Variants in ACRBP observed in about 807,000 individuals in gnomAD.
ACRBP encodes the protein acrosin binding protein.
A neutral mutation model predicts 69.0 loss-of-function variants in ACRBP; 52 were observed. That is an observed-to-expected ratio of 0.75 (90% confidence interval 0.60 to 0.95). The LOEUF (loss-of-function observed/expected upper bound fraction) is 0.95, where lower values mean the gene tolerates loss of function less well. Ranked by LOEUF, ACRBP falls within the 40% of genes least tolerant of loss-of-function variation. The pLI is 0.00. For synonymous variants in ACRBP, 267 were observed against 258.9 expected, an observed-to-expected ratio of 1.03 and a Z score of -0.30; for missense variants, 604 against 673.0, an observed-to-expected ratio of 0.90 and a Z score of 1.13.
At chr12:6,643,509 T>C (rs1949067372) in intron 6 of ACRBP, 30 bp downstream of exon 6, 1 of 1,612,712 alleles carries the variant, frequency 6.2e-7, no homozygotes, top group Non-Finnish European at 8.5e-7. Flanking sequence ...CCCAGTGGCA[T>C]GTATCCATTA....
intron 9 of ACRBP, 150 bp downstream of exon 9, chr12:6,638,804 G>A: frequency 6.7e-7 from 1 of 1,487,566 alleles, no homozygotes; most frequent in Non-Finnish European, 8.9e-7. Flanking sequence ...ATGGAGGAGA[G>A]CCTGCTGGTG....
In ACRBP at chr12:6,647,393, G is replaced by A. The variant is rs369051372; in HGVS notation, c.-27C>T. 6.1e-5 allele frequency: 92 copies of A among 1,508,562 alleles called. No individual in the cohort carries two copies. Among genetic ancestry groups the A allele is most frequent in the Middle Eastern group, 1.7e-4 (1 of 5,792 alleles). 93.4% of individuals were successfully genotyped at this position (1,508,562 alleles called of 1,614,324 possible). A position where few individuals can be genotyped will look rare whatever the true frequency, so the allele number is the denominator to read the frequency against. The stretch of plus-strand genomic sequence containing the variant: ...GCCGGAGAAGATCCGCCCGCGTCCC[G>A]TGGACACAAGCCGCCTCTAACGGGC... On this transcript the variant is annotated 5_prime_UTR_variant, in exon 1 of 10. The change creates a new upstream start codon in the 5' untranslated region. Transcript: ENST00000229243.
rs760458702 is a variant in ACRBP at position 6,646,836 on chromosome 12, C to T, written c.220G>A (p.Val74Ile). 6.2e-7 allele frequency: 1 copy of T among 1,614,058 alleles called. No homozygotes were observed. Among genetic ancestry groups the T allele is most frequent in the Admixed American group, 1.7e-5 (1 of 60,018 alleles). The change falls in exon 2 of 10, where the codon GTC becomes ATC. Residue 74 changes from valine (V) to isoleucine (I), a missense_variant. By Grantham distance (29) the Val-to-Ile change is conservative (BLOSUM62 3). Coordinates refer to ENST00000229243, the MANE Select transcript of ACRBP (RefSeq NM_032489.3). ...ATHGCRNPTL[V>I]QLDQYENHGL... Reference sequence around the variant, plus strand: ...TGGTTTTCATATTGGTCCAGCTGGACGAGTGTGGGATTCCGGCAGCCGTGG... The same window carrying T: ...TGGTTTTCATATTGGTCCAGCTGGATGAGTGTGGGATTCCGGCAGCCGTGG...
chr12:6,639,737 T>C (rs1220406700), intron 8 of ACRBP, among the ~76,000 whole-genome samples: 1 of 152,186 alleles, frequency 6.6e-6, no homozygotes, highest in Non-Finnish European at 1.5e-5. Context: ...CACTCAGTCA[T>C]TTCTTGTAGA....
rs1182337737 is a variant in ACRBP, at chr12:6,640,442, G to C, written c.1158C>G (p.His386Gln). Residue 386 changes from histidine (H) to glutamine (Q), a missense_variant, in exon 7 of 10, where the codon CAC becomes CAG. Around this residue, in one of 3 missense-constraint regions of ACRBP, gnomAD observed 532 missense variants for 562.9 expected, o/e 0.95. Transcript: ENST00000229243. The surrounding 1 kb of genome is among the most constrained non-coding windows in gnomAD (Gnocchi z 5.3). Reference sequence around the variant, plus strand: ...GTTGCCGCTGCAGGCTGGCCTCTGAGTGGCACTGCTCCAGCTTCAAGGAGC... The same window carrying C: ...GTTGCCGCTGCAGGCTGGCCTCTGACTGGCACTGCTCCAGCTTCAAGGAGC... ...DFCSLKLEQCHSEASLQRQQC... is the reference protein window; with the variant it reads ...DFCSLKLEQCQSEASLQRQQC... The C allele has an allele frequency of 1.2e-6, 2 of 1,614,180 alleles. No homozygotes were observed. The highest frequency in any genetic ancestry group is 8.5e-7 in the Non-Finnish European group (1 of 1,180,026).
At chr12:6,645,406 A>C (rs1466038744) in intron 3 of ACRBP, 69 bp from the exon 4 acceptor site, 19 of 1,221,948 alleles carry the variant, frequency 1.6e-5, no homozygotes, top group Non-Finnish European at 2.3e-5. Context: ...CTGGTTCTTC[A>C]ACCCCTTTTC....
At chr12:6,646,451 G>A (rs971120038) in intron 3 of ACRBP, 32 bp downstream of exon 3, 1 of 1,599,804 alleles carries the variant, frequency 6.3e-7, no homozygotes, top group Non-Finnish European at 8.6e-7. Context: ...TGGCCCTGGG[G>A]CACCAAATCC....
At chr12:6,641,560 T>C (rs564156795) in intron 6 of ACRBP, among the ~76,000 whole-genome samples, 2 of 152,308 alleles carry the variant, frequency 1.3e-5, no homozygotes, top group East Asian at 3.9e-4. Context: ...TACTGTCCTC[T>C]TATCTAAGCC....
chr12:6,646,664 T>A (rs1949091964), intron 2 of ACRBP, 87 bp from the exon 3 acceptor site: 1 of 1,505,212 alleles, frequency 6.6e-7, no homozygotes, highest in Non-Finnish European at 9.2e-7. Flanking sequence ...ATGGGGAGGG[T>A]GGAGAGTACG....
chr12:6,638,576 A>G, intron 9 of ACRBP, 172 bp from the exon 10 acceptor site: 1 of 1,219,050 alleles, frequency 8.2e-7, no homozygotes, highest in Non-Finnish European at 1.1e-6. Context: ...AGGAGACATC[A>G]AGCAGCCCAA....
In ACRBP at chr12:6,647,407, C is replaced by G; in HGVS notation, c.-41G>C. ...GCCCGCGTCCCGTGGACACAAGCCG[C>G]CTCTAACGGGCCAAGCCGCAGAGAG... On this transcript the variant is annotated 5_prime_UTR_variant, in exon 1 of 10. Coordinates refer to ENST00000229243, the MANE Select transcript of ACRBP (RefSeq NM_032489.3). The G allele has an allele frequency of 6.7e-7, 1 of 1,497,254 alleles. No individual in the cohort carries two copies. The highest frequency in any genetic ancestry group is 8.9e-7 in the Non-Finnish European group (1 of 1,120,550). The allele number at this position is 1,497,254 out of a possible 1,614,324, so 92.7% of individuals were successfully genotyped here.
In ACRBP at chr12:6,640,520, G is replaced by C. The variant is rs1252409544; in HGVS notation, c.1080C>G (p.Val360=). 5.6e-6 allele frequency: 9 copies of C among 1,613,046 alleles called. No homozygotes were observed. Among genetic ancestry groups the C allele is most frequent in the Admixed American group, 1.7e-5 (1 of 59,960 alleles). ...EEEILGFGKS[V]CDSLGRRHMS... ...TGTGTCGCCGCCCAAGGCTGTCACA[G>C]ACCTGGGGCAGGGGAATGGGTGAGG... Residue 360 remains valine, a splice_region_variant and synonymous_variant, in exon 7 of 10, where the codon GTC becomes GTG. Coordinates refer to ENST00000229243, the MANE Select transcript of ACRBP (RefSeq NM_032489.3). This position sits in a 1 kb window ranked among gnomAD's most constrained non-coding sequence, Gnocchi z 5.3.
chr12:6,645,657 G>GT (rs1453217673), intron 3 of ACRBP, among the ~76,000 whole-genome samples: 883 of 25,862 alleles, frequency 0.034, 5 homozygotes, highest in African/African-American at 0.079. Context: ...TTTTGGGTTT[G>GT]TTTTTTTTGT....
chr12:6,647,375 A>G lies in ACRBP; in HGVS notation c.-9T>C, dbSNP rs1274629869. 2.0e-6 allele frequency: 3 copies of G among 1,529,760 alleles called. No homozygotes were observed. The Admixed American group carries it at 6.5e-5, about 33-fold the overall frequency. The allele number at this position is 1,529,760 out of a possible 1,614,324, so 94.8% of individuals were successfully genotyped here. A position where few individuals can be genotyped will look rare whatever the true frequency, so the allele number is the denominator to read the frequency against. On this transcript the variant is annotated 5_prime_UTR_variant, in exon 1 of 10. Transcript: ENST00000229243. ...GCGGCTGGCTTCCTCATGGCCGGAG[A>G]AGATCCGCCCGCGTCCCGTGGACAC... is the stretch of plus-strand genomic sequence containing the variant.
chr12:6,646,121 G>A (rs949750950), intron 3 of ACRBP, among the ~76,000 whole-genome samples: 1 of 142,512 alleles, frequency 7.0e-6, no homozygotes, highest in Non-Finnish European at 1.5e-5. Context: ...CACCAAGCCC[G>A]GCTATTTTTT....
At chr12:6,645,666 G>GGT (rs111812802) in intron 3 of ACRBP, among the ~76,000 whole-genome samples, 2 of 142,742 alleles carry the variant, frequency 1.4e-5, no homozygotes, top group Non-Finnish European at 3.0e-5. Flanking sequence ...TGTTTTTTTT[G>GGT]TTTTTTTTTT....
At chr12:6,645,095 C>G (rs912155963) in intron 4 of ACRBP, 125 bp downstream of exon 4, 7 of 706,998 alleles carry the variant, frequency 9.9e-6, no homozygotes, top group African/African-American at 1.8e-5. Context: ...GTGTAAACAG[C>G]TGTCTGCTGG....
At chr12:6,639,465 A>G (rs766837240) in intron 8 of ACRBP, among the ~76,000 whole-genome samples, 12 of 152,224 alleles carry the variant, frequency 7.9e-5, no homozygotes, top group Non-Finnish European at 1.5e-4. Flanking sequence ...CCCAGGGACA[A>G]GAGCTGGACA....
rs1048592315 is a variant in ACRBP, at chr12:6,647,408, C to G, written c.-42G>C. ...CCCGCGTCCCGTGGACACAAGCCGC[C>G]TCTAACGGGCCAAGCCGCAGAGAGA... is the stretch of plus-strand genomic sequence containing the variant. On this transcript the variant is annotated 5_prime_UTR_variant, in exon 1 of 10. Coordinates refer to ENST00000229243, the MANE Select transcript of ACRBP (RefSeq NM_032489.3). 8.7e-6 allele frequency: 13 copies of G among 1,494,956 alleles called. 1 individual carries two copies. The highest frequency in any genetic ancestry group is 1.2e-5 in the Non-Finnish European group (13 of 1,119,306). 92.6% of individuals were successfully genotyped at this position (1,494,956 alleles called of 1,614,324 possible).
Sources: gnomAD v4.1 joint callset for allele counts (sites outside exome capture counted in the v4.1 genomes callset) on GRCh38, gnomAD v4.1.1 for gene constraint, gnomAD v4.1.1 regional missense constraint, Gnocchi (gnomAD v3.1) non-coding constraint, MANE v1.5 for transcripts, NCBI Gene and HGNC (gene_info 2026-07-23, HGNC 2026-07-21) for gene names.